The following PTK2 variants were observed in gnomAD, a reference collection of about 807,000 sequenced individuals.
PTK2 encodes the protein protein tyrosine kinase 2, also known as focal adhesion kinase 1.
PTK2 carries 45 observed loss-of-function variants against 150.1 expected under a neutral mutation model. The observed-to-expected ratio is 0.30, with a 90% CI of 0.24 to 0.38. PTK2 has a LOEUF of 0.38. Among genes scored for constraint, PTK2 ranks in the 10% least tolerant of loss-of-function variants. The pLI is 1.00. For missense variants in PTK2, 919 were observed against 1,307.3 expected, an observed-to-expected ratio of 0.70 and a Z score of 4.58; for synonymous variants, 432 against 449.2, an observed-to-expected ratio of 0.96 and a Z score of 0.48.
intron 29 of PTK2, chr8:140,670,299 T>C (rs1234647563): frequency 6.6e-6 from 1 of 151,536 alleles, no homozygotes; most frequent in Non-Finnish European, 1.5e-5. Flanking sequence ...CTACTAAAAA[T>C]ACAAAAATTA....
rs542436633 is a variant in PTK2, at chr8:140,788,374, A to G, written c.1177+1100T>C. Among the ~76,000 whole-genome samples the G allele has an allele frequency of 1.1e-3, 171 of 152,248 alleles. 2 individuals carry two copies. Among genetic ancestry groups the G allele is most frequent in the Admixed American group, 2.7e-3 (42 of 15,292 alleles). Reference sequence around the variant, plus strand: ...GTAAGGGCTTATGGGACATTTGTGCACCATTAAAAAAACAAACAAACAAGG... The same window carrying G: ...GTAAGGGCTTATGGGACATTTGTGCGCCATTAAAAAAACAAACAAACAAGG... On this transcript the variant is annotated intron_variant, in intron 14 of 31. Transcript: ENST00000522684.
chr8:140,987,790 C>T (rs1317067687), intron 1 of PTK2, among the ~76,000 whole-genome samples: 2 of 152,180 alleles, frequency 1.3e-5, no homozygotes, highest in African/African-American at 4.8e-5. Context: ...CTCCTATGAC[C>T]CCAGCACTTT....
chr8:140,928,957 A>ATTTTTTTTTT (rs34658967), intron 1 of PTK2, among the ~76,000 whole-genome samples: 1 of 92,206 alleles, frequency 1.1e-5, no homozygotes, highest in African/African-American at 4.3e-5. Flanking sequence ...TTTTATCACA[A>ATTTTTTTTTT]TTTTTTTTTT....
At chr8:140,745,742 G>A (rs1169184442) in intron 18 of PTK2, among the ~76,000 whole-genome samples, 1 of 152,208 alleles carries the variant, frequency 6.6e-6, no homozygotes, top group Non-Finnish European at 1.5e-5. Context: ...GCTCACACCT[G>A]TAATCCCAGC....
At chr8:140,717,952 G>A in intron 22 of PTK2, 1 of 367,646 alleles carries the variant, frequency 2.7e-6, no homozygotes, top group Non-Finnish European at 5.1e-6. Context: ...AAGACAGCTG[G>A]TAAGAAAAAG....
At chr8:140,875,955 T>C (rs966998541) in intron 4 of PTK2, among the ~76,000 whole-genome samples, 2 of 152,220 alleles carry the variant, frequency 1.3e-5, no homozygotes, top group Non-Finnish European at 2.9e-5. Flanking sequence ...ATTTATTAAA[T>C]TCTTGGTGAT....
chr8:140,844,592 G>A (rs2100124232), intron 7 of PTK2, among the ~76,000 whole-genome samples: 1 of 152,016 alleles, frequency 6.6e-6, no homozygotes, highest in Non-Finnish European at 1.5e-5. Context: ...CTTTGACACA[G>A]CCCCATCGTT....
chr8:140,714,796 C>CAAAAA (rs398010102), intron 23 of PTK2, among the ~76,000 whole-genome samples: 535 of 46,872 alleles, frequency 0.011, 95 homozygotes, highest in Middle Eastern at 0.018. Context: ...GGCTCTGTCT[C>CAAAAA]AAAAAAAAAA....
At chr8:140,664,836 C>T (rs2087789840) in intron 31 of PTK2, 81 bp downstream of exon 35, 3 of 1,379,370 alleles carry the variant, frequency 2.2e-6, no homozygotes, top group Non-Finnish European at 2.0e-6. Flanking sequence ...TGAGGAGCGG[C>T]CTTCAGCACC....
chr8:140,754,894 G>A (rs2100064769), intron 16 of PTK2, among the ~76,000 whole-genome samples: 1 of 152,116 alleles, frequency 6.6e-6, no homozygotes, highest in Non-Finnish European at 1.5e-5. Context: ...CGTGTGCAAA[G>A]GGTTTTTTCT....
intron 10 of PTK2, among the ~76,000 whole-genome samples, chr8:140,805,331 C>A (rs904895734): frequency 2.6e-5 from 4 of 152,008 alleles, no homozygotes; most frequent in Non-Finnish European, 4.4e-5. Flanking sequence ...TAGGATGAGG[C>A]GGGTGGATCA....
chr8:140,657,911 A>C (rs539956752), exon 32 of PTK2: 1 of 152,332 alleles, frequency 6.6e-6, no homozygotes, highest in Non-Finnish European at 1.5e-5. Flanking sequence ...GCTTTTGCAC[A>C]TAAGAGCATG....
At chr8:140,694,283 C>T (rs1467929013) in intron 26 of PTK2, among the ~76,000 whole-genome samples, 7 of 151,986 alleles carry the variant, frequency 4.6e-5, no homozygotes, top group African/African-American at 7.2e-5. Flanking sequence ...CCTCGTGATC[C>T]GTCTGCCTCG....
chr8:140,957,759 T>C (rs2100181691), intron 1 of PTK2, among the ~76,000 whole-genome samples: 1 of 152,220 alleles, frequency 6.6e-6, no homozygotes. Context: ...GCCTACAATA[T>C]TCTGTACAGT....
At chr8:140,771,540 T>C (rs558491527) in intron 14 of PTK2, 2 of 152,324 alleles carry the variant, frequency 1.3e-5, no homozygotes, top group East Asian at 3.9e-4. Flanking sequence ...TGTAGCCCTT[T>C]AAGATGCAGC....
At chr8:140,806,052 G>A (rs1255856907) in intron 10 of PTK2, among the ~76,000 whole-genome samples, 1 of 152,164 alleles carries the variant, frequency 6.6e-6, no homozygotes, top group Non-Finnish European at 1.5e-5. Flanking sequence ...AACCAAGGCT[G>A]CTAGATGTCA....
intron 10 of PTK2, among the ~76,000 whole-genome samples, chr8:140,810,512 G>A (rs1414692553): frequency 6.6e-6 from 1 of 152,192 alleles, no homozygotes; most frequent in Non-Finnish European, 1.5e-5. Flanking sequence ...CTTCTGACCA[G>A]CAGAGAGCTC....
intron 2 of PTK2, among the ~76,000 whole-genome samples, chr8:140,919,260 A>C (rs1174194481): frequency 6.6e-6 from 1 of 152,112 alleles, no homozygotes; most frequent in Non-Finnish European, 1.5e-5. Context: ...CTCTCACCCA[A>C]CCCTAACCTC....
chr8:140,863,393 C>T (rs113739182), intron 5 of PTK2, among the ~76,000 whole-genome samples: 13 of 152,206 alleles, frequency 8.5e-5, no homozygotes, highest in South Asian at 4.2e-4. Flanking sequence ...ATTCTGGTTA[C>T]GGCATTTGCT....
Sources: gnomAD v4.1 joint callset for allele counts (sites outside exome capture counted in the v4.1 genomes callset) on GRCh38, gnomAD v4.1.1 for gene constraint, MANE v1.5 for transcripts, NCBI Gene and HGNC (gene_info 2026-07-23, HGNC 2026-07-21) for gene names.